UBE2E2: variants seen among roughly 807,000 people sequenced by gnomAD.
The protein encoded by UBE2E2 is ubiquitin conjugating enzyme E2 E2.
In UBE2E2, 6 loss-of-function variants were observed where a neutral mutation model predicts 24.7. That is an observed-to-expected ratio of 0.24 (90% CI 0.13 to 0.48). The LOEUF (loss-of-function observed/expected upper bound fraction) is 0.48. UBE2E2 is among the 20% of genes least tolerant of loss of function. The pLI is 0.99. For missense variants in UBE2E2, 169 were observed against 245.0 expected (o/e 0.69, Z 2.07); for synonymous variants, 104 against 83.6 (o/e 1.24, Z -1.33).
At chr3:23,420,167 T>C (rs931769335) in intron 3 of UBE2E2, among the ~76,000 whole-genome samples, 1 of 152,244 alleles carries the variant, frequency 6.6e-6, no homozygotes, top group Non-Finnish European at 1.5e-5. Context: ...ATCTGCTAAA[T>C]GTAAGCTCTT....
intron 3 of UBE2E2, among the ~76,000 whole-genome samples, chr3:23,481,690 C>G (rs991585115): frequency 6.6e-6 from 1 of 152,178 alleles, no homozygotes; most frequent in South Asian, 2.1e-4. Context: ...TTAAATCTGC[C>G]TGGCAGCCAA....
intron 5 of UBE2E2, among the ~76,000 whole-genome samples, chr3:23,538,098 T>G (rs774443888): frequency 2.6e-5 from 4 of 152,052 alleles, no homozygotes; most frequent in African/African-American, 9.7e-5. Flanking sequence ...GCAGACTGTT[T>G]TAGCAGGACT....
intron 5 of UBE2E2, among the ~76,000 whole-genome samples, chr3:23,579,837 T>G (rs1053797246): frequency 2.6e-5 from 4 of 152,214 alleles, no homozygotes; most frequent in Non-Finnish European, 5.9e-5. Context: ...TAAGAACATT[T>G]GTGATTCATG....
At chr3:23,312,178 CA>C (rs1009172475) in intron 3 of UBE2E2, among the ~76,000 whole-genome samples, 4 of 151,936 alleles carry the variant, frequency 2.6e-5, no homozygotes, top group African/African-American at 9.7e-5. Flanking sequence ...GGCCTCCCCC[CA>C]AAAAAAAGCT....
intron 3 of UBE2E2, among the ~76,000 whole-genome samples, chr3:23,366,352 C>T (rs1696255446): frequency 6.6e-6 from 1 of 152,140 alleles, no homozygotes; most frequent in African/African-American, 2.4e-5. Context: ...CACAAAGACG[C>T]ATGTGTGTGC....
intron 3 of UBE2E2, among the ~76,000 whole-genome samples, chr3:23,383,023 G>A (rs1394969421): frequency 6.6e-6 from 1 of 152,136 alleles, no homozygotes; most frequent in East Asian, 1.9e-4. Flanking sequence ...CTTTTAATAA[G>A]AGTAACATTT....
intron 3 of UBE2E2, among the ~76,000 whole-genome samples, chr3:23,383,027 A>G (rs547246009): frequency 6.6e-6 from 1 of 152,348 alleles, no homozygotes; most frequent in East Asian, 1.9e-4. Flanking sequence ...TAATAAGAGT[A>G]ACATTTTCCA....
At chr3:23,509,029 A>T (rs1396585867) in intron 4 of UBE2E2, among the ~76,000 whole-genome samples, 2 of 152,056 alleles carry the variant, frequency 1.3e-5, no homozygotes, top group East Asian at 3.9e-4. Context: ...GGGTAGGGTA[A>T]CTCCTCCAGG....
intron 3 of UBE2E2, among the ~76,000 whole-genome samples, chr3:23,494,116 G>T (rs1420619092): frequency 2.0e-5 from 3 of 152,142 alleles, no homozygotes; most frequent in Non-Finnish European, 4.4e-5. Context: ...CTTCATCATT[G>T]CTCTGTACTG....
At chr3:23,214,194 A>G (rs1696407881) in intron 2 of UBE2E2, among the ~76,000 whole-genome samples, 1 of 152,208 alleles carries the variant, frequency 6.6e-6, no homozygotes, top group Non-Finnish European at 1.5e-5. Context: ...ATATAGACCT[A>G]GAATTATAGG....
chr3:23,269,800 C>T (rs1037366961), intron 3 of UBE2E2, among the ~76,000 whole-genome samples: 1 of 152,062 alleles, frequency 6.6e-6, no homozygotes. Flanking sequence ...AGAAATCATA[C>T]AGGGAGGAAA....
chr3:23,539,709 G>T (rs545259501), intron 5 of UBE2E2, among the ~76,000 whole-genome samples: 3 of 152,232 alleles, frequency 2.0e-5, no homozygotes, highest in Admixed American at 2.0e-4. Flanking sequence ...TTACAGAGTT[G>T]TTCACGCATC....
At position 23,589,512 on chromosome 3, in the gene UBE2E2, A is replaced by G. The variant is rs1260028837; in HGVS notation, c.509-222A>G. Among the ~76,000 whole-genome samples the G allele has an allele frequency of 6.6e-6, 1 of 152,090 alleles. No homozygotes were observed. Among genetic ancestry groups the G allele is most frequent in the Non-Finnish European group, 1.5e-5 (1 of 68,002 alleles). On this transcript the variant is annotated intron_variant, in intron 5 of 5. Coordinates refer to ENST00000396703, the MANE Select transcript of UBE2E2 (RefSeq NM_152653.4). The surrounding 1 kb of genome is among the most constrained non-coding windows in gnomAD (Gnocchi z 4.1). ...AAGAGAATAAGACTTGTCAAGAAAT[A>G]TGACAAGAGCTATCAGTAAAATACA...
At position 23,590,602 on chromosome 3, in the gene UBE2E2, C is replaced by T. The variant is rs181956184; in HGVS notation, c.*771C>T. The T allele has an allele frequency of 6.5e-6, 1 of 152,732 alleles. No homozygotes were observed. The highest frequency in any genetic ancestry group is 6.5e-5 in the Admixed American group (1 of 15,296). The allele number at this position is 152,732 out of a possible 1,614,324, so 9.5% of individuals were successfully genotyped here. A position where few individuals can be genotyped will look rare whatever the true frequency, so the allele number is the denominator to read the frequency against. On this transcript the variant is annotated 3_prime_UTR_variant, in exon 6 of 6. Transcript: ENST00000396703. ...TGCACTTCTGGTAACCCGACATTTG[C>T]TTTGTGTCCTGGTGACCGCTGTAGC...
At chr3:23,273,530 CAAAA>C (rs11328464) in intron 3 of UBE2E2, among the ~76,000 whole-genome samples, 1 of 140,926 alleles carries the variant, frequency 7.1e-6, no homozygotes. Flanking sequence ...GACTCCGTCT[CAAAA>C]AAAAAAAAAA....
chr3:23,283,900 C>T (rs1414397096), intron 3 of UBE2E2, among the ~76,000 whole-genome samples: 2 of 152,120 alleles, frequency 1.3e-5, no homozygotes, highest in Non-Finnish European at 2.9e-5. Flanking sequence ...AAGGCCCTGT[C>T]CTTGATTCTG....
intron 3 of UBE2E2, among the ~76,000 whole-genome samples, chr3:23,331,153 C>T (rs1695048895): frequency 6.6e-6 from 1 of 152,052 alleles, no homozygotes; most frequent in Admixed American, 6.5e-5. Flanking sequence ...CCATTAGTGT[C>T]AGAATACATG....
At chr3:23,348,090 T>C (rs1321105847) in intron 3 of UBE2E2, among the ~76,000 whole-genome samples, 2 of 152,092 alleles carry the variant, frequency 1.3e-5, no homozygotes, top group African/African-American at 4.8e-5. Context: ...TCACCATCAA[T>C]CATCGCAAGA....
intron 3 of UBE2E2, among the ~76,000 whole-genome samples, chr3:23,451,254 C>T (rs1302375233): frequency 6.6e-6 from 1 of 152,094 alleles, no homozygotes; most frequent in Non-Finnish European, 1.5e-5. Context: ...AAAAATTGCT[C>T]ATGTCAAATT....
Sources: gnomAD v4.1 joint callset for allele counts (sites outside exome capture counted in the v4.1 genomes callset) on GRCh38, gnomAD v4.1.1 for gene constraint, Gnocchi (gnomAD v3.1) non-coding constraint, MANE v1.5 for transcripts, NCBI Gene and HGNC (gene_info 2026-07-23, HGNC 2026-07-21) for gene names.